Variants in LRRC37A2 observed in about 807,000 individuals in gnomAD.
LRRC37A2 encodes the protein leucine-rich repeat-containing protein 37A2.
Under a neutral mutation model 68.8 loss-of-function variants are expected in LRRC37A2, and 9 were observed. That is an observed-to-expected ratio of 0.13 (90% CI 0.08 to 0.23). LRRC37A2 has a LOEUF of 0.23. Ranked by LOEUF, LRRC37A2 falls within the 10% of genes least tolerant of loss-of-function variation. LRRC37A2 has a pLI of 1.00. For missense variants in LRRC37A2, 168 were observed against 950.4 expected, an observed-to-expected ratio of 0.18 and a Z score of 10.82; for synonymous variants, 63 against 367.6, an observed-to-expected ratio of 0.17 and a Z score of 9.48.
At chr17:46,418,211 GTGTT>G in the LRRC37A2 span, among the ~76,000 whole-genome samples, 62 of 33,562 alleles carry the variant, frequency 1.8e-3, 18 homozygotes, top group South Asian at 0.3. Flanking sequence ...GTGTGTGTGT[GTGTT>G]TGTGTGTGTG....
chr17:46,777,731 C>T, the LRRC37A2 span, among the ~76,000 whole-genome samples: 4 of 152,336 alleles, frequency 2.6e-5, no homozygotes, highest in African/African-American at 9.6e-5. Flanking sequence ...CCCCATTTTG[C>T]AGATGAGGAA....
chr17:46,780,653 G>A, the LRRC37A2 span, among the ~76,000 whole-genome samples: 2 of 152,318 alleles, frequency 1.3e-5, no homozygotes, highest in African/African-American at 2.4e-5. Context: ...GCAGGCGCCT[G>A]TAGCCCCAGC....
the LRRC37A2 span, among the ~76,000 whole-genome samples, chr17:46,900,847 G>A: frequency 6.6e-6 from 1 of 152,188 alleles, no homozygotes; most frequent in African/African-American, 2.4e-5. Context: ...CCATCTACAA[G>A]CCAAGCTCTG....
At chr17:46,764,067 C>T in the LRRC37A2 span, 3 of 152,206 alleles carry the variant, frequency 2.0e-5, no homozygotes, top group African/African-American at 7.2e-5. Context: ...CTTCCTACCA[C>T]TTCATCCTAG....
chr17:46,695,244 T>C, the LRRC37A2 span, among the ~76,000 whole-genome samples: 1 of 141,052 alleles, frequency 7.1e-6, no homozygotes, highest in Non-Finnish European at 1.5e-5. Context: ...AGATTCCGTC[T>C]CCAAAAAAAA....
the LRRC37A2 span, among the ~76,000 whole-genome samples, chr17:46,496,662 C>G: frequency 1.6e-5 from 2 of 127,372 alleles, no homozygotes; most frequent in East Asian, 4.5e-4. Flanking sequence ...TGCCTGTAAA[C>G]CCAGCACTTT....
chr17:46,990,165 T>G, the LRRC37A2 span, among the ~76,000 whole-genome samples: 2 of 152,130 alleles, frequency 1.3e-5, no homozygotes, highest in Non-Finnish European at 2.9e-5. Context: ...AGTGGAAAGA[T>G]AGAGAAAACC....
chr17:46,935,421 A>G, the LRRC37A2 span: 2 of 1,423,560 alleles, frequency 1.4e-6, no homozygotes, highest in Non-Finnish European at 1.8e-6. Flanking sequence ...TTTCCCATTT[A>G]CTGAACTTAT....
the LRRC37A2 span, among the ~76,000 whole-genome samples, chr17:46,678,515 C>T: frequency 6.7e-6 from 1 of 149,982 alleles, no homozygotes; most frequent in Non-Finnish European, 1.5e-5. Context: ...GAGAGAATAC[C>T]GTTTAAAGGT....
At chr17:46,679,692 CAAA>C in the LRRC37A2 span, among the ~76,000 whole-genome samples, 9 of 101,486 alleles carry the variant, frequency 8.9e-5, no homozygotes, top group African/African-American at 8.3e-5. Flanking sequence ...AACTCCATGT[CAAA>C]AAAAAAAAAA....
the LRRC37A2 span, among the ~76,000 whole-genome samples, chr17:46,871,387 G>A: frequency 2.0e-5 from 3 of 152,260 alleles, no homozygotes; most frequent in Middle Eastern, 6.8e-3. Flanking sequence ...GAGGGAAGAC[G>A]AACTCTAATT....
the LRRC37A2 span, among the ~76,000 whole-genome samples, chr17:46,913,920 C>T: frequency 2.4e-4 from 36 of 152,052 alleles, no homozygotes; most frequent in East Asian, 6.4e-3. Context: ...CCACCATGCC[C>T]GGCTAATTTT....
At chr17:46,816,631 G>A in the LRRC37A2 span, among the ~76,000 whole-genome samples, 4 of 151,992 alleles carry the variant, frequency 2.6e-5, no homozygotes, top group Non-Finnish European at 2.9e-5. Flanking sequence ...TTTCCCCAGC[G>A]TTTCTTCCTA....
At chr17:46,857,194 C>T in the LRRC37A2 span, among the ~76,000 whole-genome samples, 151 of 152,136 alleles carry the variant, frequency 9.9e-4, no homozygotes, top group African/African-American at 3.4e-3. Flanking sequence ...TTTGGCTGGG[C>T]GTGGTGGCTC....
the LRRC37A2 span, chr17:46,821,064 G>A: frequency 6.6e-6 from 1 of 152,218 alleles, no homozygotes; most frequent in Non-Finnish European, 1.5e-5. Flanking sequence ...CAGCATCCTG[G>A]GTGCTGTGGG....
At chr17:46,830,306 C>T in the LRRC37A2 span, among the ~76,000 whole-genome samples, 1 of 152,272 alleles carries the variant, frequency 6.6e-6, no homozygotes, top group African/African-American at 2.4e-5. Context: ...GGCTACAGTT[C>T]AATGGCACAA....
the LRRC37A2 span, chr17:46,694,409 T>C: frequency 3.6e-6 from 4 of 1,106,094 alleles, no homozygotes; most frequent in African/African-American, 3.9e-5. Flanking sequence ...ATAATAATAA[T>C]GATAATCTCC....
the LRRC37A2 span, among the ~76,000 whole-genome samples, chr17:46,712,356 G>A: frequency 1.3e-5 from 2 of 152,184 alleles, no homozygotes; most frequent in African/African-American, 4.8e-5. Context: ...AAGGGTAGAT[G>A]CTGCTGTTGT....
At chr17:46,755,524 G>A in the LRRC37A2 span, 1 of 743,322 alleles carries the variant, frequency 1.3e-6, no homozygotes, top group Admixed American at 2.4e-5. Flanking sequence ...CAAGGAAGTT[G>A]GTTGTACTGT....
Sources: gnomAD v4.1 joint callset for allele counts (sites outside exome capture counted in the v4.1 genomes callset) on GRCh38, gnomAD v4.1.1 for gene constraint, MANE v1.5 for transcripts, NCBI Gene and HGNC (gene_info 2026-07-23, HGNC 2026-07-21) for gene names.